CECR2: variants seen among roughly 807,000 people sequenced by gnomAD.
CECR2 encodes CECR2 histone acetyl-lysine reader.
Under a neutral mutation model 154.5 loss-of-function variants are expected in CECR2, and 30 were observed. The observed-to-expected ratio is 0.19, with a 90% confidence interval of 0.15 to 0.26. CECR2 has a LOEUF of 0.26. Ranked by LOEUF, CECR2 falls within the 10% of genes least tolerant of loss-of-function variation. The pLI, the probability that CECR2 is intolerant of heterozygous loss-of-function variation, is 1.00. For missense variants in CECR2, 1,743 were observed against 1,829.3 expected (o/e 0.95, Z 0.86); for synonymous variants, 725 against 683.7 (o/e 1.06, Z -0.94).
chr22:17,470,835 T>C (rs2055115134), intron 1 of CECR2, among the ~76,000 whole-genome samples: 1 of 152,206 alleles, frequency 6.6e-6, no homozygotes, highest in African/African-American at 2.4e-5. Context: ...AACAGTGTGT[T>C]CTGCAGACCA....
At chr22:17,552,242 C>T in intron 18 of CECR2, 100 bp downstream of exon 18, 1 of 1,077,932 alleles carries the variant, frequency 9.3e-7, no homozygotes, top group Admixed American at 2.2e-5. Context: ...TTAAGGTATC[C>T]TGTGGATACA....
At chr22:17,397,954 C>T (rs1179588804) in intron 1 of CECR2, among the ~76,000 whole-genome samples, 1 of 152,102 alleles carries the variant, frequency 6.6e-6, no homozygotes, top group African/African-American at 2.4e-5. Context: ...TCATCTTTGT[C>T]AGTGGTCCTG....
chr22:17,552,774 G>GTTTTTTTTGTTTTT lies in CECR2; in HGVS notation c.4390-53_4390-52insGTTTTTTTTTTTTT, dbSNP rs1193436239. ...CTTGGACATTCTTTGGCTTACTTAAGTTTTTTTTTTTTTAACAACCCAATT... is the reference window on the plus strand; with the variant it reads ...CTTGGACATTCTTTGGCTTACTTAAGTTTTTTTTGTTTTTTTTTTTTTTTTTTAACAACCCAATT... On this transcript the variant is annotated intron_variant, in intron 18 of 18. Coordinates refer to ENST00000262608, the MANE Select transcript of CECR2 (RefSeq NM_001290047.2). 4.6e-5 allele frequency: 43 copies of GTTTTTTTTGTTTTT among 943,714 alleles called. 2 individuals are homozygous for GTTTTTTTTGTTTTT. In the African/African-American group the frequency reaches 7.4e-4, roughly 16 times the overall value. The allele number at this position is 943,714 out of a possible 1,614,324, so 58.5% of individuals were successfully genotyped here. A position where few individuals can be genotyped will look rare whatever the true frequency, so the allele number is the denominator to read the frequency against.
intron 5 of CECR2, among the ~76,000 whole-genome samples, chr22:17,501,474 C>T (rs1253159512): frequency 3.3e-5 from 5 of 151,890 alleles, no homozygotes; most frequent in Admixed American, 6.6e-5. Flanking sequence ...AGGAGAATGA[C>T]GTGAACCTGG....
At chr22:17,552,790 C>CA in intron 18 of CECR2, 45 bp from the exon 19 acceptor site, 1 of 658,592 alleles carries the variant, frequency 1.5e-6, no homozygotes, top group Non-Finnish European at 2.1e-6. Flanking sequence ...TTTTTTTTAA[C>CA]AACCCAATTT....
intron 1 of CECR2, among the ~76,000 whole-genome samples, chr22:17,372,055 C>T (rs2063067745): frequency 6.6e-6 from 1 of 152,132 alleles, no homozygotes; most frequent in Non-Finnish European, 1.5e-5. Context: ...ATATGACTGT[C>T]CTCTCTTTTG....
At chr22:17,535,666 G>A (rs1225173213) in intron 9 of CECR2, among the ~76,000 whole-genome samples, 1 of 145,626 alleles carries the variant, frequency 6.9e-6, no homozygotes, top group Non-Finnish European at 1.5e-5. Flanking sequence ...CTTTATGGTT[G>A]AAATTTTTCT....
chr22:17,459,771 A>C (rs1473653207), intron 1 of CECR2, among the ~76,000 whole-genome samples: 2 of 152,244 alleles, frequency 1.3e-5, no homozygotes, highest in Non-Finnish European at 2.9e-5. Flanking sequence ...TCACTCTTTG[A>C]AAATCTTCAA....
chr22:17,473,066 G>A (rs2055154138), intron 1 of CECR2, among the ~76,000 whole-genome samples: 2 of 152,120 alleles, frequency 1.3e-5, no homozygotes, highest in South Asian at 4.1e-4. Context: ...CGTTGAGGGT[G>A]GAGAAGGTGG....
intron 15 of CECR2, 29 bp from the exon 16 acceptor site, chr22:17,542,128 G>A: frequency 6.2e-7 from 1 of 1,600,618 alleles, no homozygotes; most frequent in Non-Finnish European, 8.5e-7. Context: ...CTGTGAGTCT[G>A]TAACTGTGCT....
intron 1 of CECR2, among the ~76,000 whole-genome samples, chr22:17,400,555 C>T (rs778217895): frequency 2.6e-5 from 4 of 152,082 alleles, no homozygotes; most frequent in Non-Finnish European, 5.9e-5. Context: ...TGTTTTATGG[C>T]GGAGCTGCAT....
At chr22:17,410,436 G>GT (rs1569063825) in intron 1 of CECR2, among the ~76,000 whole-genome samples, 2 of 151,478 alleles carry the variant, frequency 1.3e-5, no homozygotes. Flanking sequence ...AAAAACAAGC[G>GT]TTTTTTTGTT....
At chr22:17,544,368 G>A (rs1427461590) in intron 16 of CECR2, among the ~76,000 whole-genome samples, 2 of 151,806 alleles carry the variant, frequency 1.3e-5, no homozygotes, top group African/African-American at 4.8e-5. Context: ...CGTGGTGGCA[G>A]GCGCCTGTAG....
intron 16 of CECR2, 23 bp from the exon 17 acceptor site, chr22:17,548,122 TCTC>T (rs1385900061): frequency 1.4e-5 from 20 of 1,470,246 alleles, no homozygotes; most frequent in South Asian, 2.6e-5. Flanking sequence ...AGTTATTTTT[TCTC>T]CTCTTTTTTT....
intron 1 of CECR2, among the ~76,000 whole-genome samples, chr22:17,378,695 C>T (rs563866568): frequency 9.2e-5 from 14 of 152,064 alleles, no homozygotes; most frequent in Non-Finnish European, 1.9e-4. Flanking sequence ...ATATGTCCGG[C>T]GGGGTGAAAT....
At chr22:17,407,335 C>T (rs1476162587) in intron 1 of CECR2, among the ~76,000 whole-genome samples, 2 of 152,216 alleles carry the variant, frequency 1.3e-5, no homozygotes, top group Non-Finnish European at 1.5e-5. Context: ...GTGGCTCACG[C>T]CTGTAATCCC....
chr22:17,541,304 A>AT (rs1046479178), intron 14 of CECR2, among the ~76,000 whole-genome samples: 3 of 152,148 alleles, frequency 2.0e-5, no homozygotes, highest in Admixed American at 2.0e-4. Flanking sequence ...AAATACAAAA[A>AT]TTAGTCAGGT....
intron 1 of CECR2, among the ~76,000 whole-genome samples, chr22:17,362,327 A>C (rs1317102477): frequency 2.0e-5 from 3 of 152,184 alleles, no homozygotes; most frequent in Non-Finnish European, 4.4e-5. Flanking sequence ...TACAGGCATG[A>C]GCCACCATGT....
Position 17,395,287 on chromosome 22 carries a change from C to T in CECR2, c.126+25378C>T, listed in dbSNP as rs375368044. Among the ~76,000 whole-genome samples the T allele has an allele frequency of 1.7e-4, 26 of 152,242 alleles. 1 individual carries two copies. The East Asian group carries it at 3.5e-3, about 20-fold the overall frequency. ...AAGGAATCCACCCACCTCTGCCTCC[C>T]AAAGTGCTAGAATTACAGGTGTGAG... On this transcript the variant is annotated intron_variant, in intron 1 of 18. Coordinates refer to ENST00000262608, the MANE Select transcript of CECR2 (RefSeq NM_001290047.2).
Sources: allele counts gnomAD v4.1 joint callset (sites outside exome capture counted in the v4.1 genomes callset), GRCh38; gene constraint gnomAD v4.1.1; transcripts MANE v1.5; gene names NCBI Gene and HGNC (gene_info 2026-07-23, HGNC 2026-07-21).